MTUS2: variants seen among roughly 807,000 people sequenced by gnomAD.
MTUS2 encodes the protein microtubule associated scaffold protein 2.
A neutral mutation model predicts 114.1 loss-of-function variants in MTUS2; 40 were observed. The ratio of observed to expected loss-of-function variants is 0.35; its 90% CI spans 0.27 to 0.46. The LOEUF (loss-of-function observed/expected upper bound fraction) is 0.46. MTUS2 is among the 20% of genes least tolerant of loss of function. The pLI is 1.00. For synonymous variants in MTUS2, 688 were observed against 672.0 expected, an observed-to-expected ratio of 1.02 and a Z score of -0.37; for missense variants, 1,679 against 1,705.4, an observed-to-expected ratio of 0.98 and a Z score of 0.27.
chr13:29,104,238 G>A (rs1042858085), intron 5 of MTUS2, among the ~76,000 whole-genome samples: 1 of 152,098 alleles, frequency 6.6e-6, no homozygotes, highest in African/African-American at 2.4e-5. Context: ...ATGTTCATAG[G>A]TCCTCAGAAC....
chr13:29,349,460 C>G (rs1342294638), intron 7 of MTUS2, among the ~76,000 whole-genome samples: 1 of 152,084 alleles, frequency 6.6e-6, no homozygotes, highest in African/African-American at 2.4e-5. Flanking sequence ...CTGAGTTACT[C>G]ATTTAATTGC....
intron 7 of MTUS2, among the ~76,000 whole-genome samples, chr13:29,348,033 C>A (rs1176042102): frequency 6.7e-6 from 1 of 149,398 alleles, no homozygotes; most frequent in Non-Finnish European, 1.5e-5. Context: ...ATTCACCAAC[C>A]CAGAAGCCCT....
At chr13:28,960,156 A>G (rs141322555) in intron 2 of MTUS2, among the ~76,000 whole-genome samples, 5 of 152,350 alleles carry the variant, frequency 3.3e-5, no homozygotes, top group Non-Finnish European at 4.4e-5. Flanking sequence ...CCATTAGGAA[A>G]ATGCAAATCA....
intron 2 of MTUS2, among the ~76,000 whole-genome samples, chr13:28,951,908 G>A (rs980903927): frequency 2.0e-5 from 3 of 152,144 alleles, no homozygotes; most frequent in African/African-American, 7.2e-5. Context: ...GTGATGCCAG[G>A]TGACAGAGCT....
At position 29,171,141 on chromosome 13, in the gene MTUS2, A is replaced by AGTGTGT. The variant is rs34538842; in HGVS notation, c.2644+70184_2644+70189dup. Among the ~76,000 whole-genome samples, 675 of 150,294 alleles carry AGTGTGT rather than the reference A, an allele frequency of 4.5e-3. 5 individuals carry two copies. Among genetic ancestry groups the AGTGTGT allele is most frequent in the African/African-American group, 0.015 (609 of 40,820 alleles). On this transcript the variant is annotated intron_variant, in intron 5 of 15. Coordinates refer to ENST00000612955, the MANE Select transcript of MTUS2 (RefSeq NM_001033602.4). The stretch of plus-strand genomic sequence containing the variant: ...CTTGGTGAGTGAGTGAGAGAGAGAG[A>AGTGTGT]GTGTGTGTGTGTGTGTGTATGTGTG...
chr13:29,042,815 C>T (rs1593413911), intron 4 of MTUS2, among the ~76,000 whole-genome samples: 1 of 151,776 alleles, frequency 6.6e-6, no homozygotes, highest in Non-Finnish European at 1.5e-5. Flanking sequence ...TTATAATATC[C>T]CCTGTTTTGT....
At chr13:29,045,802 A>C (rs1887587330) in intron 4 of MTUS2, among the ~76,000 whole-genome samples, 1 of 152,114 alleles carries the variant, frequency 6.6e-6, no homozygotes, top group Non-Finnish European at 1.5e-5. Flanking sequence ...GGCCTAGGAG[A>C]GAAGCTTTCT....
At chr13:29,352,279 A>T (rs1869356328) in intron 7 of MTUS2, among the ~76,000 whole-genome samples, 1 of 152,206 alleles carries the variant, frequency 6.6e-6, no homozygotes, top group Non-Finnish European at 1.5e-5. Flanking sequence ...GTGAGTGATG[A>T]TGCATGTAAA....
At chr13:28,857,928 A>T (rs1353181689) in intron 2 of MTUS2, among the ~76,000 whole-genome samples, 11 of 152,168 alleles carry the variant, frequency 7.2e-5, no homozygotes, top group Admixed American at 7.2e-4. Context: ...CACTAAGAAC[A>T]CTGTAGTGTA....
At chr13:28,910,322 A>G (rs1057146728) in intron 2 of MTUS2, among the ~76,000 whole-genome samples, 2 of 152,120 alleles carry the variant, frequency 1.3e-5, no homozygotes, top group Non-Finnish European at 2.9e-5. Flanking sequence ...TAACATGATG[A>G]TCTCCAGTTC....
chr13:29,293,412 C>T (rs1005051257), intron 6 of MTUS2, among the ~76,000 whole-genome samples: 4 of 152,082 alleles, frequency 2.6e-5, no homozygotes, highest in African/African-American at 4.8e-5. Context: ...CTTTTTAATA[C>T]TGGATTATAA....
At chr13:29,357,411 A>G (rs891841377) in intron 7 of MTUS2, among the ~76,000 whole-genome samples, 3 of 152,254 alleles carry the variant, frequency 2.0e-5, no homozygotes, top group African/African-American at 7.2e-5. Context: ...AGTGCCTTCT[A>G]TTGTAACAGT....
intron 5 of MTUS2, among the ~76,000 whole-genome samples, chr13:29,236,867 A>G (rs1896554436): frequency 6.6e-6 from 1 of 152,208 alleles, no homozygotes; most frequent in African/African-American, 2.4e-5. Flanking sequence ...TCACTAACAG[A>G]TGTATCCCAA....
intron 5 of MTUS2, among the ~76,000 whole-genome samples, chr13:29,106,108 A>G (rs6490353): frequency 0.97 from 147,736 of 152,234 alleles, 71,774 homozygotes; most frequent in Non-Finnish European, 0.99. Flanking sequence ...TCAGCCCTTA[A>G]CAGTTTGGAC....
intron 2 of MTUS2, among the ~76,000 whole-genome samples, chr13:29,003,573 C>T (rs1260765852): frequency 3.3e-5 from 5 of 152,184 alleles, no homozygotes; most frequent in South Asian, 4.1e-4. Flanking sequence ...GTCTCTAATT[C>T]GACATATCTA....
intron 6 of MTUS2, among the ~76,000 whole-genome samples, chr13:29,283,916 T>G (rs972338571): frequency 6.6e-6 from 1 of 152,200 alleles, no homozygotes; most frequent in Non-Finnish European, 1.5e-5. Context: ...TGACAACATA[T>G]TCTGTTTGTG....
At chr13:28,980,603 G>A (rs1304861388) in intron 2 of MTUS2, among the ~76,000 whole-genome samples, 1 of 152,168 alleles carries the variant, frequency 6.6e-6, no homozygotes, top group Non-Finnish European at 1.5e-5. Context: ...TTAGCTCACG[G>A]GGATGGCTAC....
intron 8 of MTUS2, among the ~76,000 whole-genome samples, chr13:29,375,638 T>TAC (rs372115905): frequency 1.2e-4 from 1 of 8,162 alleles, no homozygotes; most frequent in African/African-American, 2.3e-4. Flanking sequence ...TATATATATA[T>TAC]ACACACACCA....
At chr13:29,027,978 A>G (rs1439766258) in intron 3 of MTUS2, among the ~76,000 whole-genome samples, 1 of 152,206 alleles carries the variant, frequency 6.6e-6, no homozygotes, top group Admixed American at 6.5e-5. Flanking sequence ...CTTTTTAGCT[A>G]TGGTGAGTCA....
Sources: gnomAD v4.1 joint callset for allele counts (sites outside exome capture counted in the v4.1 genomes callset) on GRCh38, gnomAD v4.1.1 for gene constraint, MANE v1.5 for transcripts, NCBI Gene and HGNC (gene_info 2026-07-23, HGNC 2026-07-21) for gene names.